CSMD1: variants seen among roughly 807,000 people sequenced by gnomAD.
The protein encoded by CSMD1 is CUB and sushi domain-containing protein 1.
CSMD1 carries 213 observed loss-of-function variants against 417.5 expected under a neutral mutation model. The observed-to-expected ratio is 0.51, with a 90% confidence interval of 0.46 to 0.57. The LOEUF (loss-of-function observed/expected upper bound fraction) is 0.57, where lower values mean the gene tolerates loss of function less well. Ranked by LOEUF, CSMD1 falls within the 20% of genes least tolerant of loss-of-function variation. The pLI is 0.00. For missense variants in CSMD1, 6,923 were observed against 4,529.7 expected, an observed-to-expected ratio of 1.53 and a Z score of -15.17; for synonymous variants, 2,862 against 1,736.8, an observed-to-expected ratio of 1.65 and a Z score of -16.11.
At chr8:4,941,283 A>C (rs1295692818) in intron 1 of CSMD1, among the ~76,000 whole-genome samples, 1 of 134,924 alleles carries the variant, frequency 7.4e-6, no homozygotes, top group East Asian at 2.4e-4. Flanking sequence ...TTGATTCAAA[A>C]AGTTATTTTG....
chr8:4,883,333 C>G (rs1803534074), intron 1 of CSMD1, among the ~76,000 whole-genome samples: 2 of 152,012 alleles, frequency 1.3e-5, no homozygotes, highest in South Asian at 4.1e-4. Flanking sequence ...ATATAATTAT[C>G]AGATATAATT....
At chr8:3,141,536 G>T (rs1242840722) in intron 41 of CSMD1, among the ~76,000 whole-genome samples, 1 of 152,064 alleles carries the variant, frequency 6.6e-6, no homozygotes, top group Non-Finnish European at 1.5e-5. Context: ...GCAGCCTCTG[G>T]TTCCAAGTCT....
At position 4,481,914 on chromosome 8, in the gene CSMD1, G is replaced by C. The variant is rs181719260; in HGVS notation, c.303-61849C>G. Among the ~76,000 whole-genome samples the C allele has an allele frequency of 2.4e-3, 363 of 152,186 alleles. 3 individuals carry two copies. Among genetic ancestry groups the C allele is most frequent in the African/African-American group, 7.6e-3 (314 of 41,516 alleles). ...AAGTAGCTTGATCAAAGTGACTTGA[G>C]GTGTGGAAACAACAGAATGCAGAAG... On this transcript the variant is annotated intron_variant, in intron 2 of 69. Coordinates refer to ENST00000635120, the MANE Select transcript of CSMD1 (RefSeq NM_033225.6).
intron 7 of CSMD1, among the ~76,000 whole-genome samples, chr8:3,667,642 G>A (rs1314756219): frequency 6.6e-6 from 1 of 152,174 alleles, no homozygotes; most frequent in African/African-American, 2.4e-5. Flanking sequence ...GGGTTGCTCT[G>A]GAAACCCAGG....
At chr8:3,243,948 C>T (rs908333191) in intron 26 of CSMD1, among the ~76,000 whole-genome samples, 5 of 151,952 alleles carry the variant, frequency 3.3e-5, no homozygotes, top group Non-Finnish European at 7.4e-5. Flanking sequence ...ATTTGTTGAC[C>T]GAGGTATTAG....
At chr8:4,256,199 G>C (rs1373956823) in intron 3 of CSMD1, among the ~76,000 whole-genome samples, 1 of 152,144 alleles carries the variant, frequency 6.6e-6, no homozygotes, top group East Asian at 1.9e-4. Context: ...TTTGTGATTT[G>C]TCCTTACTCA....
intron 46 of CSMD1, among the ~76,000 whole-genome samples, chr8:3,103,994 C>T (rs1354957459): frequency 6.6e-6 from 1 of 152,182 alleles, no homozygotes; most frequent in South Asian, 2.1e-4. Context: ...CTGCCCACCT[C>T]GGCCTCCCAA....
rs752415477 is a variant in CSMD1, at chr8:3,091,637, T to C, written c.7164A>G (p.Leu2388=). ...CAGTATGATTCCCACTTAAGACTACTAGCAGAGGACTTTGCCCAGAAGAAC... is the reference window on the plus strand; with the variant it reads ...CAGTATGATTCCCACTTAAGACTACCAGCAGAGGACTTTGCCCAGAAGAAC... ...FDGSSGQSPL[L]VVLSGNHTEQ... is the part of the protein sequence containing the mutation. The change falls in exon 48 of 70, where the codon CTA becomes CTG. Residue 2388 remains leucine (L), a synonymous_variant. Coordinates refer to ENST00000635120, the MANE Select transcript of CSMD1 (RefSeq NM_033225.6). 7 of 1,611,026 alleles carry C rather than the reference T, an allele frequency of 4.3e-6. No homozygotes were observed. The highest frequency in any genetic ancestry group is 4.5e-5 in the East Asian group (2 of 44,748).
chr8:3,984,451 GAT>G (rs1001365374), intron 5 of CSMD1, among the ~76,000 whole-genome samples: 21 of 151,986 alleles, frequency 1.4e-4, no homozygotes, highest in African/African-American at 3.4e-4. Flanking sequence ...GAGGCACATT[GAT>G]ATATGTTTCT....
At chr8:3,587,347 C>T (rs1006683076) in intron 8 of CSMD1, among the ~76,000 whole-genome samples, 33 of 152,176 alleles carry the variant, frequency 2.2e-4, no homozygotes, top group Non-Finnish European at 4.4e-4. Context: ...AACTCTCTGA[C>T]AAGCGCATTG....
At chr8:4,157,812 G>C (rs900210950) in intron 3 of CSMD1, among the ~76,000 whole-genome samples, 5 of 152,158 alleles carry the variant, frequency 3.3e-5, no homozygotes, top group African/African-American at 4.8e-5. Flanking sequence ...CCTTGGTCCA[G>C]CTTTAGTCAG....
chr8:4,039,727 G>A (rs913199160), intron 3 of CSMD1, among the ~76,000 whole-genome samples: 1 of 152,146 alleles, frequency 6.6e-6, no homozygotes, highest in Admixed American at 6.5e-5. Context: ...GCAAGATTTG[G>A]CCAAATAAGA....
chr8:2,958,020 G>C (rs534211968), intron 62 of CSMD1, among the ~76,000 whole-genome samples: 12 of 152,294 alleles, frequency 7.9e-5, no homozygotes, highest in African/African-American at 2.9e-4. Context: ...AGATCTTCTC[G>C]AATTTTGAAA....
Position 3,778,590 on chromosome 8 carries a change from C to T in CSMD1, c.819-24548G>A, listed in dbSNP as rs148712488. ...TCTGAGATTCTCTAGCAGAAAAGAG[C>T]ATCAGTGCCCTCTCCTGTCTCTGTT... On this transcript the variant is annotated intron_variant, in intron 5 of 69. Coordinates refer to ENST00000635120, the MANE Select transcript of CSMD1 (RefSeq NM_033225.6). Among the ~76,000 whole-genome samples the T allele has an allele frequency of 4.5e-3, 688 of 152,276 alleles. 3 individuals are homozygous for T. The highest frequency in any genetic ancestry group is 0.016 in the African/African-American group (648 of 41,552).
At chr8:3,093,974 G>A (rs1052809480) in intron 47 of CSMD1, among the ~76,000 whole-genome samples, 4 of 151,956 alleles carry the variant, frequency 2.6e-5, no homozygotes, top group Non-Finnish European at 5.9e-5. Flanking sequence ...GCGTTTAAAA[G>A]GATAATGTAT....
At chr8:4,730,565 T>C (rs1185894195) in intron 1 of CSMD1, among the ~76,000 whole-genome samples, 13 of 151,668 alleles carry the variant, frequency 8.6e-5, no homozygotes, top group East Asian at 7.8e-4. Flanking sequence ...ACGGTGAAAC[T>C]CCGTCTCTAC....
At position 3,492,024 on chromosome 8, in the gene CSMD1, G is replaced by A. The variant is rs548493855; in HGVS notation, c.1448+1599C>T. On this transcript the variant is annotated intron_variant, in intron 11 of 69. Transcript: ENST00000635120. ...GTTCTCAGGGCAAATGGGAGGGGTA[G>A]GAAGGGATGAGGAAAAGGATTAATC... Among the ~76,000 whole-genome samples, 40 of 152,338 alleles carry A rather than the reference G, an allele frequency of 2.6e-4. 1 individual carries two copies. The highest frequency in any genetic ancestry group is 9.6e-4 in the African/African-American group (40 of 41,582).
Position 4,381,524 on chromosome 8 carries a change from T to C in CSMD1, c.415+38429A>G, listed in dbSNP as rs185021853. ...TTTGGACAAAACAAGGTCATTATAT[T>C]GAGGTTGGTAGGGAGGAGGTATTTT... is the stretch of plus-strand genomic sequence containing the variant. On this transcript the variant is annotated intron_variant, in intron 3 of 69. Transcript: ENST00000635120. Among the ~76,000 whole-genome samples, 728 of 152,240 alleles carry C rather than the reference T, an allele frequency of 4.8e-3. 5 individuals are homozygous for C. The highest frequency in any genetic ancestry group is 5.1e-3 in the Non-Finnish European group (347 of 68,014).
chr8:3,259,374 G>T (rs1800887456), intron 26 of CSMD1, among the ~76,000 whole-genome samples: 1 of 152,184 alleles, frequency 6.6e-6, no homozygotes, highest in African/African-American at 2.4e-5. Flanking sequence ...CTCTCAGCAT[G>T]GAGGCTGCAG....
Sources: gnomAD v4.1 joint callset for allele counts (sites outside exome capture counted in the v4.1 genomes callset) on GRCh38, gnomAD v4.1.1 for gene constraint, MANE v1.5 for transcripts, NCBI Gene and HGNC (gene_info 2026-07-23, HGNC 2026-07-21) for gene names.